The following PAK6 variants were observed in gnomAD, a reference collection of about 807,000 sequenced individuals.
The protein encoded by PAK6 is p21 (RAC1) activated kinase 6.
Under a neutral mutation model 60.8 loss-of-function variants are expected in PAK6, and 33 were observed. The observed-to-expected ratio is 0.54, with a 90% CI of 0.41 to 0.73. The LOEUF is 0.73. PAK6 is among the 30% of genes least tolerant of loss of function. PAK6 has a pLI of 0.00. For missense variants in PAK6, 845 were observed against 904.1 expected (o/e 0.93, Z 0.84); for synonymous variants, 404 against 378.5 (o/e 1.07, Z -0.78).
At chr15:40,253,362 G>C in intron 3 of PAK6, 73 bp downstream of exon 3, 1 of 435,118 alleles carries the variant, frequency 2.3e-6, no homozygotes, top group Non-Finnish European at 4.6e-6. Flanking sequence ...GAGGGACAGT[G>C]GGCAGGCAGG....
intron 2 of PAK6, chr15:40,252,588 A>G: frequency 7.4e-7 from 1 of 1,356,650 alleles, no homozygotes; most frequent in Non-Finnish European, 9.8e-7. Flanking sequence ...ACCAACGTGT[A>G]AGCGCGGCCC....
chr15:40,240,674 C>A (rs1389761966), exon 2 of PAK6: 5 of 447,032 alleles, frequency 1.1e-5, no homozygotes, highest in Non-Finnish European at 2.2e-5. Context: ...CCAGAAGGAG[C>A]AGCCACGGTA....
chr15:40,275,013 A>G (rs2140996350), intron 10 of PAK6, among the ~76,000 whole-genome samples: 1 of 152,300 alleles, frequency 6.6e-6, no homozygotes, highest in South Asian at 2.1e-4. Context: ...AACATCTTCC[A>G]AGACAACTGG....
intron 2 of PAK6, chr15:40,250,933 C>T (rs1264663484): frequency 6.6e-6 from 1 of 152,590 alleles, no homozygotes; most frequent in Non-Finnish European, 1.5e-5. Context: ...AGCCAGCATT[C>T]GACCAGTGTA....
intron 4 of PAK6, 83 bp from the exon 5 acceptor site, chr15:40,265,757 GAC>G: frequency 7.8e-7 from 1 of 1,287,594 alleles, no homozygotes; most frequent in Non-Finnish European, 1.1e-6. Context: ...GGCCCCCAGG[GAC>G]ATTCTCTGAC....
intron 2 of PAK6, chr15:40,252,347 G>C: frequency 1.5e-6 from 2 of 1,292,434 alleles, no homozygotes; most frequent in Non-Finnish European, 2.0e-6. Context: ...CCGCAGGCAG[G>C]TCCCCGCGGC....
At chr15:40,259,302 G>C (rs151291729) in intron 3 of PAK6, 3 of 152,482 alleles carry the variant, frequency 2.0e-5, no homozygotes, top group Non-Finnish European at 4.4e-5. Flanking sequence ...CCCTGGAAAT[G>C]GCAAGCGGAG....
intron 10 of PAK6, among the ~76,000 whole-genome samples, chr15:40,275,706 G>A (rs1287670884): frequency 3.3e-5 from 5 of 152,130 alleles, no homozygotes. Flanking sequence ...CTGAGATCAC[G>A]GATAGAGCCA....
chr15:40,272,244 G>T (rs138523206), exon 6 of PAK6: 2 of 1,609,452 alleles, frequency 1.2e-6, no homozygotes, highest in Non-Finnish European at 1.7e-6. Flanking sequence ...CTTTCCGACC[G>T]CCGCAGAAAG....
chr15:40,259,356 T>C (rs1292420642), intron 3 of PAK6: 3 of 152,296 alleles, frequency 2.0e-5, no homozygotes, highest in Non-Finnish European at 1.5e-5. Context: ...CACAGCCTGA[T>C]GCTGGGGAGA....
exon 11 of PAK6, chr15:40,276,272 A>G (rs1330421107): frequency 1.6e-6 from 1 of 606,300 alleles, no homozygotes; most frequent in Non-Finnish European, 2.9e-6. Flanking sequence ...CTGCCCCCTC[A>G]GTGTCTCTCC....
intron 3 of PAK6, among the ~76,000 whole-genome samples, chr15:40,261,155 T>C (rs1388875909): frequency 6.6e-6 from 1 of 151,326 alleles, no homozygotes; most frequent in Non-Finnish European, 1.5e-5. Flanking sequence ...CCCAAAGTGC[T>C]GGGATTACAG....
At chr15:40,252,213 G>C (rs1425126371) in intron 2 of PAK6, 2 of 1,154,734 alleles carry the variant, frequency 1.7e-6, no homozygotes, top group African/African-American at 3.3e-5. Flanking sequence ...TCAGGTCCGG[G>C]AGAGTCGGCC....
chr15:40,249,373 A>G (rs1341285244), intron 2 of PAK6, among the ~76,000 whole-genome samples: 2 of 152,196 alleles, frequency 1.3e-5, no homozygotes, highest in Non-Finnish European at 2.9e-5. Context: ...TCTGTTCTTT[A>G]ACCACTCCGA....
At chr15:40,273,673 T>C in exon 9 of PAK6, 1 of 1,613,782 alleles carries the variant, frequency 6.2e-7, no homozygotes, top group South Asian at 1.1e-5. Context: ...TGTATGCCAC[T>C]GAGGTAACCG....
At chr15:40,268,361 A>C (rs1304270301) in intron 5 of PAK6, among the ~76,000 whole-genome samples, 1 of 152,098 alleles carries the variant, frequency 6.6e-6, no homozygotes, top group African/African-American at 2.4e-5. Flanking sequence ...TACTCACTAG[A>C]AGTTGGTGGT....
Position 40,275,920 on chromosome 15 carries a change from T to G in PAK6, c.1879-7T>G, listed in dbSNP as rs564149616. The G allele has an allele frequency of 6.2e-7, 1 of 1,608,032 alleles. No homozygotes were observed. Among genetic ancestry groups the G allele is most frequent in the East Asian group, 2.2e-5 (1 of 44,710 alleles). On this transcript the variant is annotated splice_polypyrimidine_tract_variant and splice_region_variant and intron_variant, in intron 10 of 10. Coordinates refer to ENST00000560346, the Ensembl canonical transcript of PAK6. The stretch of plus-strand genomic sequence containing the variant: ...TGTGGCTTCATCTTACTGCCCTGCC[T>G]CTACAGGTCTCCCCAGTGCTGCGAG...
intron 6 of PAK6, 59 bp downstream of exon 6, chr15:40,272,780 C>T: frequency 6.3e-7 from 1 of 1,581,142 alleles, no homozygotes; most frequent in Non-Finnish European, 8.6e-7. Context: ...GAGCAGCCAG[C>T]CAGGCTGGAC....
intron 3 of PAK6, among the ~76,000 whole-genome samples, chr15:40,264,240 C>T (rs2039058877): frequency 6.6e-6 from 1 of 151,318 alleles, no homozygotes; most frequent in South Asian, 2.1e-4. Flanking sequence ...AAAAAGCCAA[C>T]AAAAAAATAA....
Sources: gnomAD v4.1 joint callset for allele counts (sites outside exome capture counted in the v4.1 genomes callset) on GRCh38, gnomAD v4.1.1 for gene constraint, MANE v1.5 for transcripts, NCBI Gene and HGNC (gene_info 2026-07-23, HGNC 2026-07-21) for gene names.